Variants in SUSD3 observed in about 807,000 individuals in gnomAD.
SUSD3 encodes the protein sushi domain-containing protein 3.
A neutral mutation model predicts 20.6 loss-of-function variants in SUSD3; 18 were observed. The observed-to-expected ratio is 0.87, with a 90% CI of 0.60 to 1.30. SUSD3 has a LOEUF of 1.30. SUSD3 is among the 50% of genes most tolerant of loss of function. The pLI is 0.00. For synonymous variants in SUSD3, 137 were observed against 141.5 expected (o/e 0.97, Z 0.23); for missense variants, 306 against 346.9 (o/e 0.88, Z 0.94).
In SUSD3 at chr9:93,075,921, A is replaced by T. The variant is rs1826138216; in HGVS notation, c.226A>T (p.Thr76Ser). 1 of 1,613,056 alleles carries T rather than the reference A, an allele frequency of 6.2e-7. No individual in the cohort carries two copies. The highest frequency in any genetic ancestry group is 1.3e-5 in the African/African-American group (1 of 74,796). ...GGTGGGGTCTGGGCTCCTCACCTGC[A>T]CCTGGAAGGGGAGCATCGCTGAGTG... ...QMVGSGLLTC[T>S]WKGSIAEWSS... Residue 76 changes from threonine (T) to serine (S), a missense_variant, in exon 2 of 5, where the codon ACC becomes TCC. Thr to Ser is a moderately conservative substitution (Grantham distance 58, BLOSUM62 1). Transcript: ENST00000375472.
chr9:93,079,077 C>T (rs1033485075), intron 3 of SUSD3, among the ~76,000 whole-genome samples: 1 of 152,196 alleles, frequency 6.6e-6, no homozygotes, highest in South Asian at 2.1e-4. Flanking sequence ...GCTGGGATTA[C>T]AGGCATGAGC....
rs539007932 is a variant in SUSD3 at position 93,063,582 on chromosome 9, G to A, written c.88+4752G>A. On this transcript the variant is annotated intron_variant, in intron 1 of 4. Transcript: ENST00000375472. Reference sequence around the variant, plus strand: ...TTCTGTGGCCCCTGCAGCAAGAGAGGCCACAGGAACATGACTTTGCCTCCC... The same window carrying A: ...TTCTGTGGCCCCTGCAGCAAGAGAGACCACAGGAACATGACTTTGCCTCCC... 2.6e-5 allele frequency among the ~76,000 whole-genome samples: 4 copies of A among 152,290 alleles called. No homozygotes were observed. The South Asian group carries it at 8.3e-4, about 32-fold the overall frequency.
intron 4 of SUSD3, among the ~76,000 whole-genome samples, chr9:93,084,162 C>T (rs917819695): frequency 2.0e-5 from 3 of 152,118 alleles, no homozygotes; most frequent in African/African-American, 7.2e-5. Context: ...TCCTGCTCCC[C>T]AGCATCCCTT....
intron 1 of SUSD3, among the ~76,000 whole-genome samples, chr9:93,072,914 G>C (rs557630454): frequency 1.3e-5 from 2 of 152,142 alleles, no homozygotes; most frequent in Non-Finnish European, 2.9e-5. Context: ...AGCAGGTTTG[G>C]GGAGCTCAGA....
intron 1 of SUSD3, 62 bp downstream of exon 1, chr9:93,058,892 C>A: frequency 9.4e-7 from 1 of 1,059,058 alleles, no homozygotes; most frequent in Non-Finnish European, 1.2e-6. Context: ...GACGGGAAAG[C>A]CGAGGGGAGG....
At chr9:93,058,959 A>G (rs1825392665) in intron 1 of SUSD3, 129 bp downstream of exon 1, 1 of 509,110 alleles carries the variant, frequency 2.0e-6, no homozygotes, top group Non-Finnish European at 3.1e-6. Context: ...TGCCCCGAGG[A>G]CGAACCTCCT....
chr9:93,059,203 T>C (rs10821060), intron 1 of SUSD3, among the ~76,000 whole-genome samples: 61,396 of 150,094 alleles, frequency 0.41, 13,102 homozygotes, highest in African/African-American at 0.55. Flanking sequence ...GGCGGGCGGG[T>C]GGCGCGGGGG....
At chr9:93,082,363 G>A (rs1177554416) in intron 4 of SUSD3, among the ~76,000 whole-genome samples, 1 of 140,918 alleles carries the variant, frequency 7.1e-6, no homozygotes, top group African/African-American at 2.8e-5. Flanking sequence ...TGTCGTCCAG[G>A]CTGGAGTTCA....
At chr9:93,067,594 CTG>C (rs1244627966) in intron 1 of SUSD3, among the ~76,000 whole-genome samples, 2 of 150,986 alleles carry the variant, frequency 1.3e-5, no homozygotes, top group Non-Finnish European at 3.0e-5. Flanking sequence ...TTCGTATTGT[CTG>C]TCTTTTTTTT....
intron 1 of SUSD3, among the ~76,000 whole-genome samples, chr9:93,064,359 A>G (rs1028208889): frequency 3.3e-5 from 5 of 152,082 alleles, no homozygotes; most frequent in Admixed American, 2.0e-4. Context: ...TTCACCCTTT[A>G]TCCCCCACGT....
intron 1 of SUSD3, among the ~76,000 whole-genome samples, chr9:93,073,924 T>C (rs1826014498): frequency 6.6e-6 from 1 of 152,180 alleles, no homozygotes. Context: ...AAGAGCCGTG[T>C]GACTGCAAAA....
At chr9:93,065,506 C>T (rs763944498) in intron 1 of SUSD3, among the ~76,000 whole-genome samples, 24 of 152,186 alleles carry the variant, frequency 1.6e-4, no homozygotes, top group Non-Finnish European at 3.4e-4. Context: ...CTGCAAGGGC[C>T]GCAGTGGGCT....
At chr9:93,073,121 A>G (rs1475446394) in intron 1 of SUSD3, among the ~76,000 whole-genome samples, 2 of 152,084 alleles carry the variant, frequency 1.3e-5, no homozygotes, top group Non-Finnish European at 2.9e-5. Flanking sequence ...TCTGGGTGTC[A>G]GTCCCTGCCT....
chr9:93,071,620 C>G (rs891473323), intron 1 of SUSD3, among the ~76,000 whole-genome samples: 34 of 152,228 alleles, frequency 2.2e-4, no homozygotes, highest in Non-Finnish European at 1.5e-4. Context: ...CACAGACACA[C>G]CCAGTGACGA....
intron 1 of SUSD3, among the ~76,000 whole-genome samples, chr9:93,061,951 G>T (rs1825522354): frequency 6.6e-6 from 1 of 152,232 alleles, no homozygotes; most frequent in Admixed American, 6.5e-5. Flanking sequence ...CCCACAGCAG[G>T]CGAGGTCAGG....
chr9:93,076,928 C>T (rs1826189687), intron 2 of SUSD3, among the ~76,000 whole-genome samples: 1 of 152,206 alleles, frequency 6.6e-6, no homozygotes, highest in African/African-American at 2.4e-5. Context: ...AGAGCAGGCC[C>T]CAGTGTCTCA....
chr9:93,062,602 G>A (rs1395653108), intron 1 of SUSD3, among the ~76,000 whole-genome samples: 3 of 152,180 alleles, frequency 2.0e-5, no homozygotes, highest in Non-Finnish European at 4.4e-5. Flanking sequence ...CCATCTGCAG[G>A]CAGCTGGGAG....
intron 1 of SUSD3, among the ~76,000 whole-genome samples, chr9:93,072,287 TGCACTCTCGCCCTCA>T (rs1310779519): frequency 2.6e-5 from 4 of 152,170 alleles, no homozygotes; most frequent in Admixed American, 1.3e-4. Flanking sequence ...CCCCTGCCTC[TGCACTCTCGCCCTCA>T]GCATCTCAGC....
intron 1 of SUSD3, among the ~76,000 whole-genome samples, chr9:93,069,464 A>G (rs1405987099): frequency 6.6e-6 from 1 of 152,184 alleles, no homozygotes; most frequent in Non-Finnish European, 1.5e-5. Flanking sequence ...TGAGCATAGG[A>G]TGTTTTCCCA....
Sources: gnomAD v4.1 joint callset for allele counts (sites outside exome capture counted in the v4.1 genomes callset) on GRCh38, gnomAD v4.1.1 for gene constraint, MANE v1.5 for transcripts, NCBI Gene and HGNC (gene_info 2026-07-23, HGNC 2026-07-21) for gene names.